GRM1: variants seen among roughly 807,000 people sequenced by gnomAD.
GRM1 encodes the protein glutamate metabotropic receptor 1.
Under a neutral mutation model 90.9 loss-of-function variants are expected in GRM1, and 33 were observed. The observed-to-expected ratio is 0.36, with a 90% CI of 0.28 to 0.49. The LOEUF is 0.49. Ranked by LOEUF, GRM1 falls within the 20% of genes least tolerant of loss-of-function variation. The pLI is 0.99. For missense variants in GRM1, 1,190 were observed against 1,534.3 expected, an observed-to-expected ratio of 0.78 and a Z score of 3.75; for synonymous variants, 700 against 613.2, an observed-to-expected ratio of 1.14 and a Z score of -2.09.
At chr6:146,244,088 C>A (rs1460527368) in intron 2 of GRM1, among the ~76,000 whole-genome samples, 1 of 152,054 alleles carries the variant, frequency 6.6e-6, no homozygotes, top group African/African-American at 2.4e-5. Context: ...TTTCAAGGTG[C>A]CCAGATTTCA....
chr6:146,170,007 A>G (rs1778047019), intron 2 of GRM1, among the ~76,000 whole-genome samples: 1 of 151,980 alleles, frequency 6.6e-6, no homozygotes, highest in Non-Finnish European at 1.5e-5. Flanking sequence ...TCTTTATTTC[A>G]CCTTTAATTT....
intron 1 of GRM1, among the ~76,000 whole-genome samples, chr6:146,124,864 G>A (rs1776137785): frequency 6.6e-6 from 1 of 152,126 alleles, no homozygotes; most frequent in Admixed American, 6.5e-5. Context: ...TAACCACAGA[G>A]CTCTGGGAGA....
intron 3 of GRM1, 32 bp downstream of exon 3, chr6:146,304,878 G>A (rs1295791581): frequency 7.1e-7 from 1 of 1,413,718 alleles, no homozygotes; most frequent in Non-Finnish European, 1.0e-6. Flanking sequence ...ACAACTCAGA[G>A]GTTTGGTCAT....
rs117939979 is a variant in GRM1, at chr6:146,093,956, T to C, written c.700+63739T>C. On this transcript the variant is annotated intron_variant, in intron 1 of 7. Coordinates refer to ENST00000282753, the MANE Select transcript of GRM1 (RefSeq NM_001278064.2). ...ATATCATATCAGGCCTCCTAAAATATAGTAAGAAAATGAGTTTGATAATAA... is the reference window on the plus strand; with the variant it reads ...ATATCATATCAGGCCTCCTAAAATACAGTAAGAAAATGAGTTTGATAATAA... Among the ~76,000 whole-genome samples the C allele has an allele frequency of 4.0e-3, 602 of 152,204 alleles. 17 individuals are homozygous for C. The East Asian group carries it at 0.069, about 18-fold the overall frequency.
At chr6:146,200,976 C>T (rs1237103173) in intron 2 of GRM1, among the ~76,000 whole-genome samples, 1 of 152,166 alleles carries the variant, frequency 6.6e-6, no homozygotes, top group Admixed American at 6.5e-5. Flanking sequence ...CATAGGGAAA[C>T]ATGAGATTCC....
intron 2 of GRM1, among the ~76,000 whole-genome samples, chr6:146,162,613 C>T (rs987636363): frequency 1.3e-5 from 2 of 152,146 alleles, no homozygotes; most frequent in African/African-American, 4.8e-5. Context: ...CATCACCTCA[C>T]ATGCCTAATG....
At chr6:146,218,283 C>G (rs369299643) in intron 2 of GRM1, among the ~76,000 whole-genome samples, 1 of 152,128 alleles carries the variant, frequency 6.6e-6, no homozygotes, top group Non-Finnish European at 1.5e-5. Flanking sequence ...AGGTCCAGAT[C>G]GTATGATTCT....
At chr6:146,142,812 G>A (rs1041833817) in intron 1 of GRM1, among the ~76,000 whole-genome samples, 1 of 152,074 alleles carries the variant, frequency 6.6e-6, no homozygotes, top group Non-Finnish European at 1.5e-5. Context: ...TCTCACCCAG[G>A]GAAGGTTGAG....
At chr6:146,342,211 C>A (rs922892934) in intron 3 of GRM1, among the ~76,000 whole-genome samples, 17 of 152,138 alleles carry the variant, frequency 1.1e-4, no homozygotes, top group African/African-American at 3.6e-4. Context: ...TTAACCTCCT[C>A]TATGCAGTGA....
intron 7 of GRM1, among the ~76,000 whole-genome samples, chr6:146,431,054 C>T (rs962929943): frequency 2.6e-5 from 4 of 152,162 alleles, no homozygotes; most frequent in African/African-American, 4.8e-5. Context: ...AAAGTTTGTA[C>T]TCAGTGCTGC....
At chr6:146,179,173 G>A (rs544446243) in intron 2 of GRM1, among the ~76,000 whole-genome samples, 2 of 152,242 alleles carry the variant, frequency 1.3e-5, no homozygotes, top group South Asian at 2.1e-4. Context: ...ACACTCTCAC[G>A]TGCACATGTG....
intron 2 of GRM1, among the ~76,000 whole-genome samples, chr6:146,283,946 T>C (rs1246878879): frequency 6.6e-6 from 1 of 152,232 alleles, no homozygotes. Flanking sequence ...TTAAAAATTA[T>C]AAGTACTTCC....
intron 1 of GRM1, among the ~76,000 whole-genome samples, chr6:146,079,717 T>A (rs1380268251): frequency 1.3e-5 from 2 of 152,194 alleles, no homozygotes; most frequent in African/African-American, 4.8e-5. Flanking sequence ...TGAAAGAGCC[T>A]TGTCTTTTCA....
At chr6:146,194,583 T>A (rs1210246215) in intron 2 of GRM1, among the ~76,000 whole-genome samples, 1 of 152,194 alleles carries the variant, frequency 6.6e-6, no homozygotes. Flanking sequence ...ACTATTTGAC[T>A]CCCTGCTGAG....
chr6:146,258,594 A>G (rs1355556875), intron 2 of GRM1, among the ~76,000 whole-genome samples: 1 of 151,972 alleles, frequency 6.6e-6, no homozygotes. Flanking sequence ...ATCATAGCTC[A>G]CTGCAGCCTT....
At chr6:146,099,482 A>G (rs1776977962) in intron 1 of GRM1, among the ~76,000 whole-genome samples, 1 of 152,206 alleles carries the variant, frequency 6.6e-6, no homozygotes, top group African/African-American at 2.4e-5. Flanking sequence ...GAAGCTAGCC[A>G]AGCACAAGCA....
At chr6:146,230,525 A>C (rs550050070) in intron 2 of GRM1, among the ~76,000 whole-genome samples, 1 of 152,184 alleles carries the variant, frequency 6.6e-6, no homozygotes, top group East Asian at 1.9e-4. Context: ...CAATGTTGGC[A>C]AGGATGTGGA....
chr6:146,377,161 G>A (rs941700527), intron 5 of GRM1, among the ~76,000 whole-genome samples: 6 of 151,998 alleles, frequency 3.9e-5, no homozygotes, highest in Admixed American at 1.3e-4. Context: ...GAGAGCAGAC[G>A]AATACAGTAA....
chr6:146,282,230 C>T (rs975998960), intron 2 of GRM1, among the ~76,000 whole-genome samples: 7 of 152,170 alleles, frequency 4.6e-5, no homozygotes, highest in African/African-American at 1.7e-4. Flanking sequence ...TAATATTTAG[C>T]TGAAATATCA....
Sources: gnomAD v4.1 joint callset for allele counts (sites outside exome capture counted in the v4.1 genomes callset) on GRCh38, gnomAD v4.1.1 for gene constraint, MANE v1.5 for transcripts, NCBI Gene and HGNC (gene_info 2026-07-23, HGNC 2026-07-21) for gene names.